Variants in ARHGAP20 observed in about 807,000 individuals in gnomAD.
ARHGAP20 encodes the protein Rho GTPase activating protein 20.
ARHGAP20 carries 34 observed loss-of-function variants against 73.7 expected under a neutral mutation model. That is an observed-to-expected ratio of 0.46 (90% confidence interval 0.35 to 0.61). The LOEUF (loss-of-function observed/expected upper bound fraction) is 0.61. ARHGAP20 is among the 20% of genes least tolerant of loss of function. ARHGAP20 has a pLI of 0.00. For missense variants in ARHGAP20, 1,314 were observed against 1,420.9 expected (o/e 0.92, Z 1.21); for synonymous variants, 523 against 518.2 (o/e 1.01, Z -0.13).
At chr11:110,702,120 G>C (rs533956040) in intron 1 of ARHGAP20, among the ~76,000 whole-genome samples, 1 of 152,074 alleles carries the variant, frequency 6.6e-6, no homozygotes, top group South Asian at 2.1e-4. Flanking sequence ...GATGAACACT[G>C]ATGCAAAAAT....
Position 110,579,864 on chromosome 11 carries a change from G to A in ARHGAP20, c.3082C>T (p.His1028Tyr). Residue 1028 changes from histidine (H) to tyrosine (Y), a missense_variant, in exon 15 of 15, where the codon CAT becomes TAT. Physicochemically the swap from His to Tyr is moderately conservative, Grantham distance 83. Around this residue, in one of 3 missense-constraint regions of ARHGAP20, gnomAD observed 641 missense variants for 636.9 expected, o/e 1.01. Coordinates refer to ENST00000683387, the MANE Select transcript of ARHGAP20 (RefSeq NM_001384657.1). ...GTGCTGGGATGAAGAGTTACAGAAT[G>A]CATTTGTGAATGCCACTCCATGGTG... is the stretch of plus-strand genomic sequence containing the variant. The part of the protein sequence containing the change: ...KDTMEWHSQM[H>Y]SVTLHPSTWL... The A allele has an allele frequency of 6.2e-7, 1 of 1,614,224 alleles. No individual in the cohort carries two copies. The highest frequency in any genetic ancestry group is 2.2e-5 in the East Asian group (1 of 44,886).
chr11:110,650,891 C>A (rs1420955166), intron 2 of ARHGAP20, among the ~76,000 whole-genome samples: 1 of 152,144 alleles, frequency 6.6e-6, no homozygotes, highest in Non-Finnish European at 1.5e-5. Context: ...TTCTGGAATT[C>A]TAAGCCCTGA....
chr11:110,577,249 A>T lies in ARHGAP20; in HGVS notation c.*2121T>A. 1.4e-6 allele frequency: 2 copies of T among 1,469,150 alleles called. No homozygotes were observed. The highest frequency in any genetic ancestry group is 2.7e-5 in the South Asian group (2 of 73,564). 91.0% of individuals were successfully genotyped at this position (1,469,150 alleles called of 1,614,324 possible). On this transcript the variant is annotated 3_prime_UTR_variant, in exon 15 of 15. Transcript: ENST00000683387. Reference sequence around the variant, plus strand: ...CTCAAAGCATTTTAGATAAAGCATCAGTCTAATATATTATAGATTGATGGA... The same window carrying T: ...CTCAAAGCATTTTAGATAAAGCATCTGTCTAATATATTATAGATTGATGGA...
chr11:110,615,863 C>A lies in ARHGAP20; in HGVS notation c.504-269G>T, dbSNP rs1046375504. 4.6e-5 allele frequency among the ~76,000 whole-genome samples: 7 copies of A among 152,204 alleles called. No homozygotes were observed. The East Asian group carries it at 1.4e-3, about 29-fold the overall frequency. On this transcript the variant is annotated intron_variant, in intron 4 of 14. Transcript: ENST00000683387. The stretch of plus-strand genomic sequence containing the variant: ...TCTTTTCTACTTTACTGCTTTTTTA[C>A]AAGTGGTATTATATCAGTGTGAGAG...
intron 1 of ARHGAP20, among the ~76,000 whole-genome samples, chr11:110,701,763 G>C (rs1950457712): frequency 6.6e-6 from 1 of 152,020 alleles, no homozygotes; most frequent in Non-Finnish European, 1.5e-5. Context: ...TTTTGTATAA[G>C]GTGTAAGGAA....
chr11:110,646,731 C>T (rs1279070209), intron 2 of ARHGAP20, among the ~76,000 whole-genome samples: 2 of 151,942 alleles, frequency 1.3e-5, no homozygotes, highest in Non-Finnish European at 2.9e-5. Context: ...TTTATTCAGT[C>T]ACTTACATAT....
chr11:110,636,078 T>G (rs1037054481), intron 2 of ARHGAP20, among the ~76,000 whole-genome samples: 1 of 152,256 alleles, frequency 6.6e-6, no homozygotes, highest in Non-Finnish European at 1.5e-5. Flanking sequence ...TTCTTGATTA[T>G]AAGAAGAAGC....
At chr11:110,605,025 G>A (rs1948191374) in intron 9 of ARHGAP20, among the ~76,000 whole-genome samples, 1 of 152,142 alleles carries the variant, frequency 6.6e-6, no homozygotes, top group Non-Finnish European at 1.5e-5. Flanking sequence ...GATGCTATAT[G>A]ATTTCTTCCA....
At chr11:110,616,509 G>T (rs1245562925) in intron 4 of ARHGAP20, among the ~76,000 whole-genome samples, 6 of 152,026 alleles carry the variant, frequency 3.9e-5, no homozygotes, top group Non-Finnish European at 7.4e-5. Flanking sequence ...GAGTAGTTAG[G>T]GCTACAGATG....
intron 2 of ARHGAP20, among the ~76,000 whole-genome samples, chr11:110,683,070 T>C (rs760290404): frequency 6.6e-6 from 1 of 152,112 alleles, no homozygotes; most frequent in African/African-American, 2.4e-5. Context: ...GAGATGGAGA[T>C]AGACAAATGA....
intron 2 of ARHGAP20, among the ~76,000 whole-genome samples, chr11:110,660,014 C>A (rs1949564800): frequency 6.8e-6 from 1 of 147,778 alleles, no homozygotes; most frequent in South Asian, 2.1e-4. Context: ...TGTAACTAAC[C>A]TGCACAATGT....
intron 3 of ARHGAP20, among the ~76,000 whole-genome samples, chr11:110,630,297 C>T (rs1183831941): frequency 1.3e-5 from 2 of 152,136 alleles, no homozygotes; most frequent in East Asian, 1.9e-4. Flanking sequence ...GTACTAATCA[C>T]AATTTGTCAT....
At chr11:110,676,817 G>GT (rs11419580) in intron 2 of ARHGAP20, among the ~76,000 whole-genome samples, 18,141 of 149,590 alleles carry the variant, frequency 0.12, 1,662 homozygotes, top group African/African-American at 0.26. Flanking sequence ...CCTCAAATAA[G>GT]TTTTTTTTTT....
intron 2 of ARHGAP20, among the ~76,000 whole-genome samples, chr11:110,646,187 A>C (rs997365265): frequency 3.9e-5 from 6 of 152,194 alleles, no homozygotes; most frequent in African/African-American, 1.4e-4. Context: ...TATACATACA[A>C]ATTACAAAGT....
chr11:110,591,195 G>A (rs756291289), intron 10 of ARHGAP20, among the ~76,000 whole-genome samples: 1 of 152,202 alleles, frequency 6.6e-6, no homozygotes, highest in Admixed American at 6.5e-5. Flanking sequence ...TGCTTACAGT[G>A]TAAGAAGAGA....
intron 14 of ARHGAP20, among the ~76,000 whole-genome samples, chr11:110,581,907 G>A (rs1441000904): frequency 1.4e-5 from 2 of 139,380 alleles, no homozygotes; most frequent in African/African-American, 5.5e-5. Flanking sequence ...GTGTCTGAGG[G>A]ACCAGTACAA....
At chr11:110,633,787 G>T (rs1274774457) in intron 2 of ARHGAP20, among the ~76,000 whole-genome samples, 1 of 152,118 alleles carries the variant, frequency 6.6e-6, no homozygotes, top group Non-Finnish European at 1.5e-5. Flanking sequence ...AAGAAGAGAT[G>T]ACCTCAGTTT....
At chr11:110,702,193 A>C (rs1950466173) in intron 1 of ARHGAP20, among the ~76,000 whole-genome samples, 13 of 152,182 alleles carry the variant, frequency 8.5e-5, no homozygotes, top group Admixed American at 7.2e-4. Context: ...CACCATGATC[A>C]AGTGGGCTTC....
At chr11:110,590,120 C>CAAAA (rs558720081) in intron 11 of ARHGAP20, among the ~76,000 whole-genome samples, 1 of 64,022 alleles carries the variant, frequency 1.6e-5, no homozygotes, top group African/African-American at 5.8e-5. Context: ...GACCCCGCCT[C>CAAAA]AAAAAAAAAA....
Sources: allele counts gnomAD v4.1 joint callset (sites outside exome capture counted in the v4.1 genomes callset), GRCh38; gene constraint gnomAD v4.1.1; regional missense constraint gnomAD v4.1.1; transcripts MANE v1.5; gene names NCBI Gene and HGNC (gene_info 2026-07-23, HGNC 2026-07-21).